SHISA9: variants seen among roughly 807,000 people sequenced by gnomAD.
SHISA9 encodes protein shisa-9.
A neutral mutation model predicts 38.0 loss-of-function variants in SHISA9; 13 were observed. That is an observed-to-expected ratio of 0.34 (90% CI 0.22 to 0.54). The LOEUF (loss-of-function observed/expected upper bound fraction) is 0.54, where lower values mean the gene tolerates loss of function less well. SHISA9 is among the 20% of genes least tolerant of loss of function. SHISA9 has a pLI of 0.91. For missense variants in SHISA9, 538 were observed against 575.8 expected, an observed-to-expected ratio of 0.93 and a Z score of 0.67; for synonymous variants, 275 against 242.0, an observed-to-expected ratio of 1.14 and a Z score of -1.27.
chr16:12,993,326 G>A (rs2141834447), intron 2 of SHISA9, among the ~76,000 whole-genome samples: 1 of 152,274 alleles, frequency 6.6e-6, no homozygotes, highest in East Asian at 1.9e-4. Context: ...TCTAGAGCCA[G>A]CAACATAACA....
chr16:13,448,444 AC>A, the SHISA9 span, among the ~76,000 whole-genome samples: 1 of 152,034 alleles, frequency 6.6e-6, no homozygotes, highest in African/African-American at 2.4e-5. Context: ...TCACAAAGAC[AC>A]CCTCTCAAGC....
At chr16:12,921,959 TG>T (rs2071334573) in intron 2 of SHISA9, among the ~76,000 whole-genome samples, 2 of 152,228 alleles carry the variant, frequency 1.3e-5, no homozygotes, top group Admixed American at 6.5e-5. Flanking sequence ...CTATTGTTTT[TG>T]CCATCATAAG....
intron 2 of SHISA9, among the ~76,000 whole-genome samples, chr16:12,935,735 C>A (rs1220781047): frequency 6.6e-6 from 1 of 151,624 alleles, no homozygotes; most frequent in Non-Finnish European, 1.5e-5. Context: ...GTGGTCCCAG[C>A]TACTTGGGAG....
At chr16:13,437,924 G>GTTTCTTTTTTTTTTTTTTGAGAC in the SHISA9 span, among the ~76,000 whole-genome samples, 23 of 146,900 alleles carry the variant, frequency 1.6e-4, no homozygotes, top group South Asian at 8.5e-4. Flanking sequence ...GGAGTGCAGT[G>GTTTCTTTTTTTTTTTTTTGAGAC]ACGTGATCTC....
At chr16:13,536,191 G>C in the SHISA9 span, among the ~76,000 whole-genome samples, 2 of 152,028 alleles carry the variant, frequency 1.3e-5, no homozygotes, top group African/African-American at 4.8e-5. Flanking sequence ...TAGAGATGGG[G>C]TTTCACTATG....
chr16:13,524,164 T>A, the SHISA9 span, among the ~76,000 whole-genome samples: 1 of 152,162 alleles, frequency 6.6e-6, no homozygotes, highest in Non-Finnish European at 1.5e-5. Context: ...AGGTGGAATC[T>A]TAGCATCCAG....
chr16:13,552,283 G>A, the SHISA9 span, among the ~76,000 whole-genome samples: 1 of 152,110 alleles, frequency 6.6e-6, no homozygotes, highest in Non-Finnish European at 1.5e-5. Context: ...AGTCTCCCCG[G>A]TGGTTCCCCA....
intron 2 of SHISA9, among the ~76,000 whole-genome samples, chr16:13,021,277 A>G (rs2072850709): frequency 6.6e-6 from 1 of 152,162 alleles, no homozygotes; most frequent in Non-Finnish European, 1.5e-5. Flanking sequence ...AGTAAAGGCC[A>G]GGGACGCTGC....
chr16:12,971,993 G>A (rs1330486141), intron 2 of SHISA9, among the ~76,000 whole-genome samples: 3 of 150,628 alleles, frequency 2.0e-5, no homozygotes, highest in African/African-American at 4.9e-5. Flanking sequence ...CTAGACATTG[G>A]GGATATGGTT....
chr16:13,509,332 G>A, the SHISA9 span, among the ~76,000 whole-genome samples: 2 of 152,174 alleles, frequency 1.3e-5, no homozygotes, highest in Admixed American at 1.3e-4. Context: ...ATGAGGCTTA[G>A]AAGCTTACTG....
intron 2 of SHISA9, among the ~76,000 whole-genome samples, chr16:12,957,065 C>T (rs920536468): frequency 2.6e-5 from 4 of 151,974 alleles, no homozygotes; most frequent in Non-Finnish European, 4.4e-5. Context: ...GGAGAGTATT[C>T]ATCTACTCTC....
chr16:13,342,126 C>T, the SHISA9 span, among the ~76,000 whole-genome samples: 18 of 152,136 alleles, frequency 1.2e-4, no homozygotes, highest in Admixed American at 5.9e-4. Context: ...AACTCTTTTC[C>T]AATTCTCTCC....
chr16:13,030,080 A>G (rs2072972827), intron 2 of SHISA9, among the ~76,000 whole-genome samples: 2 of 152,212 alleles, frequency 1.3e-5, no homozygotes, highest in South Asian at 4.1e-4. Context: ...CACTTGATCA[A>G]TGTCGTTTAT....
intron 2 of SHISA9, among the ~76,000 whole-genome samples, chr16:13,177,959 C>A (rs943485234): frequency 2.0e-5 from 3 of 152,172 alleles, no homozygotes; most frequent in Non-Finnish European, 4.4e-5. Flanking sequence ...TGAGTCACTG[C>A]GCCCGGCCAG....
the SHISA9 span, among the ~76,000 whole-genome samples, chr16:13,554,628 A>G: frequency 6.7e-6 from 1 of 150,320 alleles, no homozygotes; most frequent in African/African-American, 2.5e-5. Context: ...AGTAGCTGGG[A>G]TTATAGGCAT....
the SHISA9 span, among the ~76,000 whole-genome samples, chr16:13,378,849 C>A: frequency 2.0e-5 from 3 of 152,178 alleles, no homozygotes; most frequent in African/African-American, 7.2e-5. Context: ...TTGGGGGTTG[C>A]TCCATAGCTC....
chr16:13,325,366 G>A, the SHISA9 span, among the ~76,000 whole-genome samples: 1 of 152,188 alleles, frequency 6.6e-6, no homozygotes, highest in Non-Finnish European at 1.5e-5. Flanking sequence ...ATGCTGGCCA[G>A]TTGTGCCTAA....
the SHISA9 span, among the ~76,000 whole-genome samples, chr16:13,386,280 A>G: frequency 6.6e-6 from 1 of 152,210 alleles, no homozygotes; most frequent in East Asian, 1.9e-4. Flanking sequence ...TATTTCTTAC[A>G]GATGTTAAAA....
Position 13,040,726 on chromosome 16 carries a change from T to G in SHISA9, c.691+123911T>G, listed in dbSNP as rs1446272365. ...TGAAAAATATTGAAGAGTCATTTGG[T>G]AAAGAAAAGCTTCTTTTCTTTCTTC... On this transcript the variant is annotated intron_variant, in intron 2 of 4. Transcript: ENST00000558583. Among the ~76,000 whole-genome samples, 4 of 152,246 alleles carry G rather than the reference T, an allele frequency of 2.6e-5. No homozygotes were observed. The East Asian group carries it at 7.7e-4, about 29-fold the overall frequency.
Sources: gnomAD v4.1 joint callset for allele counts (sites outside exome capture counted in the v4.1 genomes callset) on GRCh38, gnomAD v4.1.1 for gene constraint, MANE v1.5 for transcripts, NCBI Gene and HGNC (gene_info 2026-07-23, HGNC 2026-07-21) for gene names.